Variants in CPA6 observed in about 807,000 individuals in gnomAD.
CPA6 encodes the protein carboxypeptidase A6.
Under a neutral mutation model 63.3 loss-of-function variants are expected in CPA6, and 58 were observed. That is an observed-to-expected ratio of 0.92 (90% CI 0.74 to 1.14). The LOEUF (loss-of-function observed/expected upper bound fraction) is 1.14, where lower values mean the gene tolerates loss of function less well. Ranked by LOEUF, CPA6 falls within the 50% of genes most tolerant of loss-of-function variation. The probability of loss-of-function intolerance (pLI) is 0.00; values close to 1 mark genes in which losing one functional copy is unlikely to be tolerated. For missense variants in CPA6, 565 were observed against 526.6 expected, an observed-to-expected ratio of 1.07 and a Z score of -0.71; for synonymous variants, 185 against 179.0, an observed-to-expected ratio of 1.03 and a Z score of -0.27.
At chr8:67,727,821 G>A (rs947065245) in intron 1 of CPA6, among the ~76,000 whole-genome samples, 2 of 152,172 alleles carry the variant, frequency 1.3e-5, no homozygotes, top group African/African-American at 4.8e-5. Flanking sequence ...GCTCATGCCT[G>A]TAATCCCAGC....
chr8:67,734,523 CAA>C (rs901746315), intron 1 of CPA6, among the ~76,000 whole-genome samples: 7 of 152,168 alleles, frequency 4.6e-5, no homozygotes, highest in African/African-American at 1.7e-4. Flanking sequence ...TCTGCTTCCA[CAA>C]AGAGTTCTGA....
chr8:67,711,083 A>T (rs1207294316), intron 1 of CPA6, among the ~76,000 whole-genome samples: 1 of 152,200 alleles, frequency 6.6e-6, no homozygotes, highest in Non-Finnish European at 1.5e-5. Flanking sequence ...TCTTAGTCTT[A>T]GCTGACTGGA....
In CPA6 at chr8:67,447,546, CAT is replaced by C. The variant is rs1386197645; in HGVS notation, c.839-13308_839-13307del. On this transcript the variant is annotated intron_variant, in intron 8 of 10. Coordinates refer to ENST00000297770, the MANE Select transcript of CPA6 (RefSeq NM_020361.5). ...ACACACACACACACACACACACACA[CAT>C]ACACATTTTAAATAGGTGATAAATT... Among the ~76,000 whole-genome samples the C allele has an allele frequency of 2.2e-3, 306 of 138,740 alleles. 1 individual carries two copies. The highest frequency in any genetic ancestry group is 7.9e-3 in the African/African-American group (254 of 32,050). The allele number at this position is 138,740 out of a possible 152,430, so 91.0% of individuals were successfully genotyped here. A position where few individuals can be genotyped will look rare whatever the true frequency, so the allele number is the denominator to read the frequency against.
chr8:67,698,438 T>C (rs1816952717), intron 1 of CPA6, among the ~76,000 whole-genome samples: 1 of 152,200 alleles, frequency 6.6e-6, no homozygotes, highest in Admixed American at 6.5e-5. Context: ...GAATTTCCTA[T>C]GATTATTCCA....
chr8:67,619,889 T>C (rs1463168212), intron 2 of CPA6, among the ~76,000 whole-genome samples: 1 of 152,194 alleles, frequency 6.6e-6, no homozygotes, highest in African/African-American at 2.4e-5. Flanking sequence ...TTTCCTCCCA[T>C]CTCCTTGTTT....
intron 8 of CPA6, among the ~76,000 whole-genome samples, chr8:67,435,460 C>T (rs1810128670): frequency 6.6e-6 from 1 of 152,114 alleles, no homozygotes; most frequent in Non-Finnish European, 1.5e-5. Context: ...CACACTCAGC[C>T]CCAGCCTCCT....
At chr8:67,654,931 T>A (rs889694263) in intron 1 of CPA6, among the ~76,000 whole-genome samples, 3 of 152,180 alleles carry the variant, frequency 2.0e-5, no homozygotes, top group African/African-American at 7.2e-5. Flanking sequence ...CTCTGAAACT[T>A]GAGGCAAATG....
At chr8:67,441,782 C>A (rs979955915) in intron 8 of CPA6, among the ~76,000 whole-genome samples, 1 of 151,950 alleles carries the variant, frequency 6.6e-6, no homozygotes, top group African/African-American at 2.4e-5. Context: ...ATTTAAATAA[C>A]AAAAACAAGA....
At chr8:67,454,436 G>C (rs1381213645) in intron 8 of CPA6, among the ~76,000 whole-genome samples, 1 of 152,158 alleles carries the variant, frequency 6.6e-6, no homozygotes, top group Non-Finnish European at 1.5e-5. Context: ...AAGATCAAGA[G>C]AGCAGAAGGC....
intron 2 of CPA6, among the ~76,000 whole-genome samples, chr8:67,568,904 C>T (rs1483050201): frequency 2.0e-5 from 3 of 152,154 alleles, no homozygotes; most frequent in South Asian, 2.1e-4. Flanking sequence ...GCACCCACCA[C>T]CATGCCCAGC....
chr8:67,535,101 C>G (rs1266159764), intron 2 of CPA6, among the ~76,000 whole-genome samples: 1 of 152,088 alleles, frequency 6.6e-6, no homozygotes, highest in African/African-American at 2.4e-5. Context: ...TTTCTTTATC[C>G]AGTCTATCAC....
At chr8:67,701,539 T>C (rs1817025134) in intron 1 of CPA6, among the ~76,000 whole-genome samples, 1 of 152,208 alleles carries the variant, frequency 6.6e-6, no homozygotes, top group South Asian at 2.1e-4. Context: ...TCCCACATGA[T>C]GATTTAATGA....
In CPA6 at chr8:67,746,096, C is replaced by G. The variant is rs1320462681; in HGVS notation, c.34G>C (p.Ala12Pro). The G allele has an allele frequency of 6.2e-7, 1 of 1,613,860 alleles. No individual in the cohort carries two copies. Among genetic ancestry groups the G allele is most frequent in the South Asian group, 1.1e-5 (1 of 91,024 alleles). Residue 12 changes from alanine to proline, a missense_variant, in exon 1 of 11, where the codon GCT (alanine) becomes CCT (proline). Physicochemically the swap from Ala to Pro is conservative, Grantham distance 27 (BLOSUM62 -1). Transcript: ENST00000297770. The stretch of plus-strand genomic sequence containing the variant: ...AGCCAGCAAAGAGGCAGGAAAGCAG[C>G]TGCCTGGCCCCTGCGCTTCCCGAGA... ...KCLGKRRGQA[A>P]AFLPLCWLFL...
At chr8:67,690,655 GA>G (rs570927398) in intron 1 of CPA6, among the ~76,000 whole-genome samples, 110 of 152,276 alleles carry the variant, frequency 7.2e-4, no homozygotes, top group African/African-American at 2.6e-3. Context: ...AGACACATTA[GA>G]AGAGGAAATA....
chr8:67,483,728 GA>G (rs770230029), intron 8 of CPA6, 39 bp downstream of exon 8: 1 of 1,546,118 alleles, frequency 6.5e-7, no homozygotes, highest in African/African-American at 1.4e-5. Flanking sequence ...AAAACCTGCA[GA>G]AACCTTTGGA....
At chr8:67,687,994 G>C (rs1319538913) in intron 1 of CPA6, among the ~76,000 whole-genome samples, 3 of 152,130 alleles carry the variant, frequency 2.0e-5, no homozygotes, top group East Asian at 3.9e-4. Flanking sequence ...TGGGTAACAT[G>C]GAAAAACCCC....
At chr8:67,659,689 A>G (rs1816066110) in intron 1 of CPA6, among the ~76,000 whole-genome samples, 1 of 152,216 alleles carries the variant, frequency 6.6e-6, no homozygotes, top group Admixed American at 6.5e-5. Context: ...CTGAGGTCCT[A>G]CTCTACATTT....
At chr8:67,555,442 G>A (rs1308451822) in intron 2 of CPA6, among the ~76,000 whole-genome samples, 5 of 152,182 alleles carry the variant, frequency 3.3e-5, no homozygotes, top group Non-Finnish European at 5.9e-5. Flanking sequence ...GAGCTGGGAA[G>A]GTTGCACCCA....
chr8:67,635,528 G>A lies in CPA6; in HGVS notation c.117-11277C>T, dbSNP rs185167125. ...CATGCCTGTAATCCCAGCACTTTGG[G>A]AAGCCAAGGAGGGGGGATCACCTGA... On this transcript the variant is annotated intron_variant, in intron 1 of 10. Coordinates refer to ENST00000297770, the MANE Select transcript of CPA6 (RefSeq NM_020361.5). 1.5e-3 allele frequency among the ~76,000 whole-genome samples: 222 copies of A among 151,832 alleles called. 4 individuals are homozygous for A. The highest frequency in any genetic ancestry group is 2.3e-3 in the Non-Finnish European group (159 of 68,030).
Sources: allele counts gnomAD v4.1 joint callset (sites outside exome capture counted in the v4.1 genomes callset), GRCh38; gene constraint gnomAD v4.1.1; transcripts MANE v1.5; gene names NCBI Gene and HGNC (gene_info 2026-07-23, HGNC 2026-07-21).